The following METTL3 variants were observed in gnomAD, a reference collection of about 807,000 sequenced individuals.
METTL3 encodes the protein methyltransferase 3, N6-adenosine-methyltransferase complex catalytic subunit.
METTL3 carries 42 observed loss-of-function variants against 64.3 expected under a neutral mutation model. The observed-to-expected ratio is 0.65, with a 90% confidence interval of 0.51 to 0.84. The LOEUF is 0.84. METTL3 is among the 40% of genes least tolerant of loss of function. The probability of loss-of-function intolerance (pLI) is 0.00; values close to 1 mark genes in which losing one functional copy is unlikely to be tolerated. For missense variants in METTL3, 435 were observed against 722.3 expected (o/e 0.60, Z 4.56); for synonymous variants, 256 against 263.6 (o/e 0.97, Z 0.28).
Position 21,503,859 on chromosome 14 carries a change from T to C in METTL3, c.123A>G (p.Ala41=), listed in dbSNP as rs770111926. 3 of 1,614,158 alleles carry C rather than the reference T, an allele frequency of 1.9e-6. No individual in the cohort carries two copies. Among genetic ancestry groups the C allele is most frequent in the South Asian group, 2.2e-5 (2 of 91,086 alleles). ...TGTCACTACGGAAGGTTGGAGACAA[T>C]GCTGCCTCTGGATTCCGTAGATCTA... ...GHLDLRNPEA[A]LSPTFRSDSP... The change falls in exon 2 of 11, where the codon GCA becomes GCG. Residue 41 remains alanine, a synonymous_variant. Transcript: ENST00000298717.
Position 21,500,541 on chromosome 14 carries a change from G to GT in METTL3, c.1257dup (p.Pro420ThrfsTer6). On this transcript the variant is annotated frameshift_variant, in exon 6 of 11. Coordinates refer to ENST00000298717, the MANE Select transcript of METTL3 (RefSeq NM_019852.5). LOFTEE classifies it high-confidence loss of function. Reference sequence around the variant, plus strand: ...AGAAAGCCATCATCCTGTAGTACGGGTATGTTGAGCCTGCGCATCTCATCA... The same window carrying GT: ...AGAAAGCCATCATCCTGTAGTACGGGTTATGTTGAGCCTGCGCATCTCATCA... The GT allele has an allele frequency of 6.2e-7, 1 of 1,614,096 alleles. No homozygotes were observed. Among genetic ancestry groups the GT allele is most frequent in the Admixed American group, 1.7e-5 (1 of 60,016 alleles).
chr14:21,498,957 T>C, intron 10 of METTL3, 68 bp downstream of exon 10: 1 of 1,069,518 alleles, frequency 9.4e-7, no homozygotes, highest in Non-Finnish European at 1.5e-6. Flanking sequence ...TGTGAAGCTC[T>C]ACTAAGTTCT....
chr14:21,509,132 G>A (rs1891769439), intron 1 of METTL3, among the ~76,000 whole-genome samples: 1 of 151,868 alleles, frequency 6.6e-6, no homozygotes, highest in African/African-American at 2.4e-5. Flanking sequence ...TTGAGCTCAG[G>A]AGTTAGAGAT....
rs1452916362 is a variant in METTL3, at chr14:21,501,771, T to C, written c.856A>G (p.Lys286Glu). 3 of 1,614,078 alleles carry C rather than the reference T, an allele frequency of 1.9e-6. No homozygotes were observed. Among genetic ancestry groups the C allele is most frequent in the Admixed American group, 3.3e-5 (2 of 60,006 alleles). Residue 286 changes from lysine (K) to glutamate (E), a missense_variant, in exon 4 of 11, where the codon AAA becomes GAA. Around this residue, in one of 9 missense-constraint regions of METTL3, gnomAD observed 40 missense variants for 89.6 expected, o/e 0.45. Transcript: ENST00000298717. ...CDYGTKEECM[K>E]ASDADRPCRK... ...CAGGGTCGATCAGCATCACTGGCTTTCATGCACTCCTCCTTGGTTCCATAG... is the reference window on the plus strand; with the variant it reads ...CAGGGTCGATCAGCATCACTGGCTTCCATGCACTCCTCCTTGGTTCCATAG...
intron 1 of METTL3, chr14:21,510,600 G>C (rs1891808841): frequency 6.6e-6 from 1 of 152,318 alleles, no homozygotes; most frequent in African/African-American, 2.4e-5. Context: ...GTATGTAAAT[G>C]GCTAAGTCAA....
At chr14:21,500,355 C>T (rs1036332185) in intron 6 of METTL3, 140 bp downstream of exon 6, 3 of 748,858 alleles carry the variant, frequency 4.0e-6, no homozygotes, top group Non-Finnish European at 6.2e-6. Context: ...CACAGTGAGA[C>T]TCTCTCAAAA....
intron 7 of METTL3, 64 bp downstream of exon 7, chr14:21,499,695 GGAGAA>G: frequency 6.3e-7 from 1 of 1,577,916 alleles, no homozygotes; most frequent in Non-Finnish European, 8.7e-7. Flanking sequence ...GAATAGTCTG[GGAGAA>G]GAGAACATGT....
chr14:21,502,003 A>T, intron 3 of METTL3, 100 bp from the exon 4 acceptor site: 7 of 828,696 alleles, frequency 8.4e-6, no homozygotes, highest in Non-Finnish European at 1.3e-5. Flanking sequence ...CTTCTAAGAG[A>T]TAAATCAACT....
intron 9 of METTL3, 65 bp downstream of exon 9, chr14:21,499,241 C>T: frequency 6.3e-7 from 1 of 1,597,232 alleles, no homozygotes; most frequent in Non-Finnish European, 8.6e-7. Flanking sequence ...GATGAGAATA[C>T]ACCCAACATG....
intron 10 of METTL3, 87 bp downstream of exon 10, chr14:21,498,938 G>A: frequency 1.1e-6 from 1 of 903,128 alleles, no homozygotes; most frequent in Non-Finnish European, 1.8e-6. Context: ...ATGGACTAGT[G>A]TAAAACAATG....
At chr14:21,501,160 G>A (rs753097247) in intron 4 of METTL3, 31 bp from the exon 5 acceptor site, 3 of 1,522,474 alleles carry the variant, frequency 2.0e-6, no homozygotes, top group Non-Finnish European at 2.7e-6. Context: ...AATCAAGATG[G>A]TGCTCCAGAT....
At chr14:21,506,548 C>T (rs895699348) in intron 1 of METTL3, among the ~76,000 whole-genome samples, 7 of 151,852 alleles carry the variant, frequency 4.6e-5, no homozygotes, top group Middle Eastern at 3.2e-3. Flanking sequence ...AGCGAGACTC[C>T]GTCTCAAGAA....
rs1182592073 is a variant in METTL3, at chr14:21,501,873, T to C, written c.754A>G (p.Thr252Ala). 3.1e-6 allele frequency: 5 copies of C among 1,614,192 alleles called. No homozygotes were observed. The highest frequency in any genetic ancestry group is 4.2e-6 in the Non-Finnish European group (5 of 1,180,038). Residue 252 changes from threonine to alanine, a missense_variant, in exon 4 of 11, where the codon ACT becomes GCT. Physicochemically the swap from Thr to Ala is moderately conservative, Grantham distance 58. Transcript: ENST00000298717. ...ATGGATTGTTCCTTGGCTGTTGTAG[T>C]ATTTAATAGCTCTAGGATCTCCTGA... ...VSQEILELLN[T>A]TTAKEQSIVE...
chr14:21,511,257 G>A lies in METTL3; in HGVS notation c.-34C>T, dbSNP rs749153842. ...CCCAGCCCTGACACCTCTCGAATAA[G>A]GCGCGGCGGACTAGCACCTCCCAGC... On this transcript the variant is annotated 5_prime_UTR_variant, in exon 1 of 11. Coordinates refer to ENST00000298717, the MANE Select transcript of METTL3 (RefSeq NM_019852.5). 8.7e-6 allele frequency: 14 copies of A among 1,602,026 alleles called. No individual in the cohort carries two copies. The highest frequency in any genetic ancestry group is 1.3e-5 in the African/African-American group (1 of 74,518).
chr14:21,500,941 G>A lies in METTL3; in HGVS notation c.1088C>T (p.Ser363Phe), dbSNP rs765219232. ...LALTQSVGGD[S>F]SADRLFPPQW... ...AGGTGGGAAGAGTCGGTCTGCACTG[G>A]AATCACCTCCGACACTCTGTGTAAG... Residue 363 changes from serine (S) to phenylalanine (F), a missense_variant, in exon 5 of 11, where the codon TCC becomes TTC. This residue lies in a region of METTL3 where 67 missense variants were observed against 71.5 expected (regional missense o/e 0.94). Coordinates refer to ENST00000298717, the MANE Select transcript of METTL3 (RefSeq NM_019852.5). 6.2e-7 allele frequency: 1 copy of A among 1,614,088 alleles called. No individual in the cohort carries two copies. The highest frequency in any genetic ancestry group is 8.5e-7 in the Non-Finnish European group (1 of 1,179,984).
At chr14:21,502,012 C>CTTT (rs75402343) in intron 3 of METTL3, 109 bp from the exon 4 acceptor site, 31,374 of 448,842 alleles carry the variant, frequency 0.07, 1,184 homozygotes, top group Admixed American at 0.14. Flanking sequence ...GATAAATCAA[C>CTTT]TTTTTTTTTT....
At chr14:21,503,642 C>T (rs1181569930) in intron 2 of METTL3, 22 bp downstream of exon 2, 1 of 1,613,992 alleles carries the variant, frequency 6.2e-7, no homozygotes, top group African/African-American at 1.3e-5. Flanking sequence ...AGTGGTAAAT[C>T]CTAACTCTGT....
chr14:21,499,116 G>A lies in METTL3; in HGVS notation c.1540C>T (p.Pro514Ser). 7 of 1,614,010 alleles carry A rather than the reference G, an allele frequency of 4.3e-6. No individual in the cohort carries two copies. The highest frequency in any genetic ancestry group is 5.9e-6 in the Non-Finnish European group (7 of 1,179,914). ...TCAATCATGCCATAGATTTCATCTG[G>A]TTTATGACTGGTGGAACGAACCTAG... ...VAEVRSTSHK[P>S]DEIYGMIERL... Residue 514 changes from proline to serine, a missense_variant, in exon 10 of 11, where the codon CCA (proline) becomes TCA (serine). This residue lies in a region of METTL3 where 38 missense variants were observed against 102.3 expected (regional missense o/e 0.37). Transcript: ENST00000298717.
chr14:21,498,772 T>C, intron 10 of METTL3: 1 of 500,952 alleles, frequency 2.0e-6, no homozygotes, highest in South Asian at 2.6e-5. Flanking sequence ...ACAGAATGGC[T>C]GAGGAAGATC....
Sources: gnomAD v4.1 joint callset for allele counts (sites outside exome capture counted in the v4.1 genomes callset) on GRCh38, gnomAD v4.1.1 for gene constraint, gnomAD v4.1.1 regional missense constraint, MANE v1.5 for transcripts, NCBI Gene and HGNC (gene_info 2026-07-23, HGNC 2026-07-21) for gene names.